The following SIL1 variants were observed in gnomAD, a reference collection of about 807,000 sequenced individuals.
The protein encoded by SIL1 is SIL1 nucleotide exchange factor.
SIL1 carries 40 observed loss-of-function variants against 49.1 expected under a neutral mutation model. That is an observed-to-expected ratio of 0.81 (90% confidence interval 0.63 to 1.06). The LOEUF (loss-of-function observed/expected upper bound fraction) is 1.06, where lower values mean the gene tolerates loss of function less well. SIL1 is among the 50% of genes least tolerant of loss of function. The pLI is 0.00. For missense variants in SIL1, 500 were observed against 572.6 expected (o/e 0.87, Z 1.29); for synonymous variants, 253 against 250.8 (o/e 1.01, Z -0.08).
intron 7 of SIL1, among the ~76,000 whole-genome samples, chr5:138,984,326 T>TA (rs991022540): frequency 1.4e-5 from 2 of 138,974 alleles, no homozygotes; most frequent in East Asian, 2.0e-4. Flanking sequence ...CTCCCTCTCT[T>TA]ACGGTGTTTT....
chr5:139,194,759 CT>C (rs1266850504), intron 1 of SIL1, among the ~76,000 whole-genome samples: 1 of 152,138 alleles, frequency 6.6e-6, no homozygotes, highest in Non-Finnish European at 1.5e-5. Flanking sequence ...TGAAAAGAGG[CT>C]TACTACAAGA....
intron 3 of SIL1, among the ~76,000 whole-genome samples, chr5:139,055,817 C>T (rs1407339438): frequency 3.3e-5 from 5 of 150,502 alleles, no homozygotes; most frequent in East Asian, 2.0e-4. Flanking sequence ...ATTGCAGGCA[C>T]GCGCCGCCAC....
intron 7 of SIL1, among the ~76,000 whole-genome samples, chr5:138,996,268 T>C (rs1767869040): frequency 6.6e-6 from 1 of 152,246 alleles, no homozygotes. Flanking sequence ...TTTGCATTTA[T>C]CTGATGACTA....
chr5:139,067,679 T>C (rs1275669800), intron 3 of SIL1, among the ~76,000 whole-genome samples: 3 of 152,312 alleles, frequency 2.0e-5, no homozygotes, highest in African/African-American at 4.8e-5. Flanking sequence ...ACATAAACAC[T>C]CATACCTTGA....
chr5:139,187,373 C>T (rs886096593), intron 1 of SIL1, among the ~76,000 whole-genome samples: 4 of 152,130 alleles, frequency 2.6e-5, no homozygotes, highest in South Asian at 4.2e-4. Context: ...AAAAATTAGC[C>T]GGGTGTGGTG....
chr5:138,956,465 T>C (rs56369119), intron 7 of SIL1, among the ~76,000 whole-genome samples: 14,865 of 152,212 alleles, frequency 0.098, 2,330 homozygotes, highest in African/African-American at 0.33. Flanking sequence ...AACAATTGGC[T>C]GGGCGCAGTG....
chr5:139,077,929 T>A (rs1695561531), intron 3 of SIL1, among the ~76,000 whole-genome samples: 2 of 152,206 alleles, frequency 1.3e-5, no homozygotes, highest in South Asian at 2.1e-4. Context: ...TTCCTCATCA[T>A]CCTCATTCTC....
At chr5:139,138,889 A>C (rs1751027915) in intron 1 of SIL1, among the ~76,000 whole-genome samples, 1 of 152,212 alleles carries the variant, frequency 6.6e-6, no homozygotes, top group Admixed American at 6.5e-5. Flanking sequence ...CTGAGCCACA[A>C]GTCAGCCCAC....
intron 7 of SIL1, among the ~76,000 whole-genome samples, chr5:139,008,591 G>T (rs1768176696): frequency 6.8e-6 from 1 of 146,752 alleles, no homozygotes; most frequent in Non-Finnish European, 1.5e-5. Flanking sequence ...TTTCTCTTGT[G>T]GGCATTTAGT....
At chr5:139,120,978 G>T in intron 3 of SIL1, 57 bp downstream of exon 3, 1 of 1,608,552 alleles carries the variant, frequency 6.2e-7, no homozygotes, top group Admixed American at 1.7e-5. Context: ...GGGGACAAAG[G>T]ACATATGCAG....
chr5:139,075,866 T>C (rs1054299556), intron 3 of SIL1, among the ~76,000 whole-genome samples: 1 of 152,128 alleles, frequency 6.6e-6, no homozygotes, highest in East Asian at 1.9e-4. Flanking sequence ...GACTTCACAA[T>C]CTCCTCCATT....
chr5:139,130,153 G>A (rs1317295226), intron 1 of SIL1, among the ~76,000 whole-genome samples: 1 of 152,064 alleles, frequency 6.6e-6, no homozygotes, highest in Non-Finnish European at 1.5e-5. Flanking sequence ...GTGTGGTGGT[G>A]TGCACCTACA....
chr5:139,021,250 C>T lies in SIL1; in HGVS notation c.688G>A (p.Val230Met), dbSNP rs1344657477. Residue 230 changes from valine to methionine, a missense_variant, in exon 7 of 10, where the codon GTG becomes ATG. By Grantham distance (21) the Val-to-Met change is conservative. Coordinates refer to ENST00000394817, the MANE Select transcript of SIL1 (RefSeq NM_022464.5). ...QDLLSFGGLQ[V>M]VINGLNSTEP... ...GTGCTGTTCAGCCCATTGATCACCA[C>T]TTGAAGACCACCAAAGGAAAGCAGG... 1.2e-6 allele frequency: 2 copies of T among 1,614,078 alleles called. No homozygotes were observed. Among genetic ancestry groups the T allele is most frequent in the African/African-American group, 2.7e-5 (2 of 74,924 alleles).
At position 139,184,006 on chromosome 5, in the gene SIL1, T is replaced by C. The variant is rs141114441; in HGVS notation, c.-11+14263A>G. ...AAAGAATAGGAAGCCAGACTGTCAGTTCAAACTCTCCTAAAAGGTATTGCC... is the reference window on the plus strand; with the variant it reads ...AAAGAATAGGAAGCCAGACTGTCAGCTCAAACTCTCCTAAAAGGTATTGCC... On this transcript the variant is annotated intron_variant, in intron 1 of 9. Transcript: ENST00000394817. Among the ~76,000 whole-genome samples, 3 of 152,304 alleles carry C rather than the reference T, an allele frequency of 2.0e-5. No individual in the cohort carries two copies. The East Asian group carries it at 5.8e-4, about 29-fold the overall frequency.
chr5:139,118,420 GC>G (rs1361262417), intron 3 of SIL1, among the ~76,000 whole-genome samples: 3 of 152,150 alleles, frequency 2.0e-5, no homozygotes, highest in Admixed American at 1.3e-4. Context: ...AGAGGGCTTT[GC>G]ATCTACCATC....
chr5:139,164,576 AC>A (rs1751579691), intron 1 of SIL1, among the ~76,000 whole-genome samples: 2 of 152,192 alleles, frequency 1.3e-5, no homozygotes. Context: ...TAAAGGCATT[AC>A]AATCTTCACC....
At chr5:139,098,122 A>C (rs1314579237) in intron 3 of SIL1, among the ~76,000 whole-genome samples, 1 of 152,190 alleles carries the variant, frequency 6.6e-6, no homozygotes, top group Non-Finnish European at 1.5e-5. Flanking sequence ...CCACAGAAGA[A>C]CCAGAATAGC....
chr5:139,034,135 C>A (rs1414746940), intron 5 of SIL1, among the ~76,000 whole-genome samples: 1 of 152,034 alleles, frequency 6.6e-6, no homozygotes, highest in Non-Finnish European at 1.5e-5. Flanking sequence ...TATAGTAACT[C>A]CTGCTTTTTA....
rs1400201881 is a variant in SIL1 at position 139,198,355 on chromosome 5, G to T, written c.-97C>A. On this transcript the variant is annotated 5_prime_UTR_variant, in exon 1 of 10. Transcript: ENST00000394817. ...CGACCAGCTCCCCCTGCGCAAACGCGGCGGCGACCGTCTGAGCCGGTGAGC... is the reference window on the plus strand; with the variant it reads ...CGACCAGCTCCCCCTGCGCAAACGCTGCGGCGACCGTCTGAGCCGGTGAGC... The T allele has an allele frequency of 6.6e-6, 1 of 152,294 alleles. No individual in the cohort carries two copies. The highest frequency in any genetic ancestry group is 6.5e-5 in the Admixed American group (1 of 15,302). The allele number at this position is 152,294 out of a possible 1,614,324, so 9.4% of individuals were successfully genotyped here.
Sources: allele counts gnomAD v4.1 joint callset (sites outside exome capture counted in the v4.1 genomes callset), GRCh38; gene constraint gnomAD v4.1.1; transcripts MANE v1.5; gene names NCBI Gene and HGNC (gene_info 2026-07-23, HGNC 2026-07-21).